Variants in GRIK3 observed in about 807,000 individuals in gnomAD.
GRIK3 encodes the protein glutamate ionotropic receptor kainate type subunit 3.
A neutral mutation model predicts 102.5 loss-of-function variants in GRIK3; 29 were observed. The ratio of observed to expected loss-of-function variants is 0.28; its 90% CI spans 0.21 to 0.39. The LOEUF is 0.39. Ranked by LOEUF, GRIK3 falls within the 10% of genes least tolerant of loss-of-function variation. The pLI, the probability that GRIK3 is intolerant of heterozygous loss-of-function variation, is 1.00. For missense variants in GRIK3, 908 were observed against 1,252.4 expected (o/e 0.73, Z 4.15); for synonymous variants, 511 against 504.9 (o/e 1.01, Z -0.16).
intron 1 of GRIK3, among the ~76,000 whole-genome samples, chr1:36,933,123 G>A (rs1006012378): frequency 1.3e-5 from 2 of 152,144 alleles, no homozygotes; most frequent in East Asian, 1.9e-4. Context: ...ACACTAAAGC[G>A]GCTTGTCACT....
At chr1:36,892,472 T>C (rs1475951116) in intron 1 of GRIK3, among the ~76,000 whole-genome samples, 1 of 125,138 alleles carries the variant, frequency 8.0e-6, no homozygotes, top group Non-Finnish European at 1.7e-5. Flanking sequence ...ACTTTGTCTT[T>C]ACAAAAATAA....
At chr1:36,844,392 A>G (rs1640496142) in intron 9 of GRIK3, among the ~76,000 whole-genome samples, 1 of 152,232 alleles carries the variant, frequency 6.6e-6, no homozygotes, top group African/African-American at 2.4e-5. Flanking sequence ...AGGAAGGAGG[A>G]CATCGGCTGG....
At chr1:36,815,141 C>A (rs1557690286) in intron 13 of GRIK3, among the ~76,000 whole-genome samples, 1 of 152,240 alleles carries the variant, frequency 6.6e-6, no homozygotes, top group South Asian at 2.1e-4. Context: ...TCCCAACATG[C>A]CTTTGATAAT....
intron 5 of GRIK3, among the ~76,000 whole-genome samples, chr1:36,862,394 G>A (rs1214499546): frequency 3.9e-5 from 6 of 152,096 alleles, no homozygotes; most frequent in South Asian, 2.1e-4. Flanking sequence ...CTATGTCCTC[G>A]GTGGGTGTCC....
At chr1:37,005,944 A>C (rs1407227897) in intron 1 of GRIK3, among the ~76,000 whole-genome samples, 2 of 151,990 alleles carry the variant, frequency 1.3e-5, no homozygotes, top group Non-Finnish European at 2.9e-5. Context: ...GGAGCCCTTG[A>C]GGGTTTCTCA....
intron 11 of GRIK3, among the ~76,000 whole-genome samples, chr1:36,823,303 C>T (rs1419855870): frequency 1.3e-5 from 2 of 151,756 alleles, no homozygotes; most frequent in Non-Finnish European, 2.9e-5. Context: ...GAAACCCCGT[C>T]TCTACTAAAA....
At chr1:36,930,708 C>A (rs1270540956) in intron 1 of GRIK3, among the ~76,000 whole-genome samples, 1 of 152,154 alleles carries the variant, frequency 6.6e-6, no homozygotes, top group Non-Finnish European at 1.5e-5. Context: ...GTGAGTGGTG[C>A]CTTTGGAGTG....
In GRIK3 at chr1:36,850,816, A is replaced by T. The variant is rs1453552989; in HGVS notation, c.1213-392T>A. On this transcript the variant is annotated intron_variant, in intron 8 of 15. Transcript: ENST00000373091. This position sits in a 1 kb window ranked among gnomAD's most constrained non-coding sequence, Gnocchi z 4.0. ...TCAGTGCCAGGTCTTGCCCTGGGAC[A>T]CAGTCTTTGTGGCTGTTTTGGGGTG... is the stretch of plus-strand genomic sequence containing the variant. 6.6e-6 allele frequency among the ~76,000 whole-genome samples: 1 copy of T among 152,242 alleles called. No individual in the cohort carries two copies. Among genetic ancestry groups the T allele is most frequent in the African/African-American group, 2.4e-5 (1 of 41,468 alleles).
chr1:36,864,631 T>C (rs1640763040), intron 5 of GRIK3, among the ~76,000 whole-genome samples: 1 of 152,168 alleles, frequency 6.6e-6, no homozygotes, highest in East Asian at 1.9e-4. Context: ...ATTTGGTCTG[T>C]TGAGACTGAC....
chr1:36,913,462 A>G (rs1044732587), intron 1 of GRIK3, among the ~76,000 whole-genome samples: 1 of 152,208 alleles, frequency 6.6e-6, no homozygotes, highest in Non-Finnish European at 1.5e-5. Context: ...ATCAATTGCT[A>G]TGCAGGTTAA....
chr1:36,820,617 A>G (rs1246770643), intron 11 of GRIK3, among the ~76,000 whole-genome samples: 2 of 152,232 alleles, frequency 1.3e-5, no homozygotes, highest in Middle Eastern at 3.2e-3. Context: ...AAGTGAGAAC[A>G]TGCTTTTGAA....
At chr1:36,924,348 T>C (rs910846823) in intron 1 of GRIK3, among the ~76,000 whole-genome samples, 3 of 152,202 alleles carry the variant, frequency 2.0e-5, no homozygotes, top group African/African-American at 7.2e-5. Flanking sequence ...AAGCAGGGCC[T>C]GGTGCTGTGC....
chr1:36,822,123 C>T (rs1376854530), intron 11 of GRIK3, among the ~76,000 whole-genome samples: 1 of 152,180 alleles, frequency 6.6e-6, no homozygotes, highest in Non-Finnish European at 1.5e-5. Context: ...GTGCACTCTG[C>T]TGGAAAATCA....
chr1:36,940,057 A>G (rs1436797855), intron 1 of GRIK3, among the ~76,000 whole-genome samples: 1 of 152,220 alleles, frequency 6.6e-6, no homozygotes, highest in Non-Finnish European at 1.5e-5. Context: ...GTCCTCAGGG[A>G]CTTCCATGAC....
At chr1:36,922,837 G>A (rs1466667958) in intron 1 of GRIK3, among the ~76,000 whole-genome samples, 1 of 152,140 alleles carries the variant, frequency 6.6e-6, no homozygotes, top group Non-Finnish European at 1.5e-5. Context: ...CCCCTGAGCA[G>A]GGATCCAGCC....
At chr1:36,866,893 A>G (rs555872034) in intron 5 of GRIK3, among the ~76,000 whole-genome samples, 3 of 152,332 alleles carry the variant, frequency 2.0e-5, no homozygotes, top group South Asian at 4.1e-4. Flanking sequence ...CCATCCAGAC[A>G]TTAATGAGCA....
intron 1 of GRIK3, among the ~76,000 whole-genome samples, chr1:36,925,906 A>C (rs1050979272): frequency 6.6e-6 from 1 of 152,180 alleles, no homozygotes; most frequent in African/African-American, 2.4e-5. Flanking sequence ...TGTAGGCCCC[A>C]AGCCTGAGTG....
At chr1:36,962,658 G>C (rs1367279509) in intron 1 of GRIK3, among the ~76,000 whole-genome samples, 2 of 144,836 alleles carry the variant, frequency 1.4e-5, no homozygotes, top group Non-Finnish European at 1.5e-5. Flanking sequence ...GAGAGAGAGA[G>C]AGAGAGAGAA....
chr1:36,846,648 G>A (rs1304231361), intron 9 of GRIK3, among the ~76,000 whole-genome samples: 1 of 152,182 alleles, frequency 6.6e-6, no homozygotes, highest in Non-Finnish European at 1.5e-5. Context: ...GCGAAGCATG[G>A]GGTTGGATTT....
Sources: allele counts gnomAD v4.1 joint callset (sites outside exome capture counted in the v4.1 genomes callset), GRCh38; gene constraint gnomAD v4.1.1; non-coding constraint Gnocchi (gnomAD v3.1); transcripts MANE v1.5; gene names NCBI Gene and HGNC (gene_info 2026-07-23, HGNC 2026-07-21).